CCDC7: variants seen among roughly 807,000 people sequenced by gnomAD.
CCDC7 encodes coiled-coil domain-containing protein 7.
Under a neutral mutation model 196.9 loss-of-function variants are expected in CCDC7, and 183 were observed. The observed-to-expected ratio is 0.93, with a 90% CI of 0.82 to 1.05. CCDC7 has a LOEUF of 1.05. CCDC7 is among the 50% of genes least tolerant of loss of function. The pLI is 0.00. For synonymous variants in CCDC7, 525 were observed against 484.6 expected (o/e 1.08, Z -1.10); for missense variants, 1,540 against 1,482.2 (o/e 1.04, Z -0.64).
intron 5 of CCDC7, among the ~76,000 whole-genome samples, chr10:32,469,446 A>T (rs2037493977): frequency 6.6e-6 from 1 of 152,208 alleles, no homozygotes; most frequent in Non-Finnish European, 1.5e-5. Flanking sequence ...TACATGGCAG[A>T]GAAGTCTGCT....
At chr10:32,791,262 A>T (rs1383821408) in intron 29 of CCDC7, among the ~76,000 whole-genome samples, 1 of 151,968 alleles carries the variant, frequency 6.6e-6, no homozygotes, top group Non-Finnish European at 1.5e-5. Flanking sequence ...AAAAAAAGCC[A>T]CTCTATAAGT....
chr10:32,776,188 G>T (rs1272917318), intron 28 of CCDC7, among the ~76,000 whole-genome samples: 2 of 149,334 alleles, frequency 1.3e-5, no homozygotes, highest in Non-Finnish European at 3.0e-5. Context: ...GCTAGATGAC[G>T]AGTTAGTGGG....
chr10:32,571,584 TTTTC>T (rs1370359880), intron 15 of CCDC7, among the ~76,000 whole-genome samples: 1 of 152,152 alleles, frequency 6.6e-6, no homozygotes, highest in African/African-American at 2.4e-5. Flanking sequence ...ATAAACATGC[TTTTC>T]TTTAACTCAA....
intron 20 of CCDC7, among the ~76,000 whole-genome samples, chr10:32,642,594 T>A (rs2067028985): frequency 6.6e-6 from 1 of 152,178 alleles, no homozygotes; most frequent in South Asian, 2.1e-4. Flanking sequence ...TCCCTGACCC[T>A]TTGCACTTCC....
upstream of CCDC7, among the ~76,000 whole-genome samples, chr10:32,447,342 T>C (rs1317185240): frequency 1.3e-5 from 2 of 152,208 alleles, no homozygotes; most frequent in Non-Finnish European, 2.9e-5. Flanking sequence ...TTCCTTGCTT[T>C]CTATGTATAT....
At chr10:32,752,115 AT>A (rs1306473372) in intron 28 of CCDC7, among the ~76,000 whole-genome samples, 1 of 152,104 alleles carries the variant, frequency 6.6e-6, no homozygotes, top group Non-Finnish European at 1.5e-5. Flanking sequence ...ATTATTTTTG[AT>A]AGGAAAAACC....
At chr10:32,579,237 T>G (rs990443677) in intron 16 of CCDC7, among the ~76,000 whole-genome samples, 30 of 148,816 alleles carry the variant, frequency 2.0e-4, no homozygotes, top group African/African-American at 7.2e-4. Context: ...CTAGTTTTTG[T>G]TTTTTTTTTC....
chr10:32,729,357 G>A (rs1340178325), exon 28 of CCDC7: 2 of 1,559,854 alleles, frequency 1.3e-6, no homozygotes, highest in East Asian at 2.3e-5. Context: ...TCAAAAAAAA[G>A]GATATATCAC....
At chr10:32,876,824 T>C (rs2094607937), downstream of CCDC7, 1 of 154,388 alleles carries the variant, frequency 6.5e-6, no homozygotes, top group Admixed American at 6.5e-5. Flanking sequence ...CTAATAATTT[T>C]AAAGATGTGA....
At chr10:32,718,922 C>G (rs1222365436) in intron 25 of CCDC7, among the ~76,000 whole-genome samples, 1 of 152,140 alleles carries the variant, frequency 6.6e-6, no homozygotes, top group Non-Finnish European at 1.5e-5. Flanking sequence ...TAGGAATAAT[C>G]AAGATCGTGA....
rs868259659 is a variant in CCDC7, at chr10:32,635,235, T to A, written c.2014+77T>A. On this transcript the variant is annotated intron_variant, in intron 20 of 41. Coordinates refer to ENST00000639629, the Ensembl canonical transcript of CCDC7. ...GCTTTTTTTATGGTTCATGAATATA[T>A]CTACAACTTTTTTTGTAATTATTTT... 154 of 391,994 alleles carry A rather than the reference T, an allele frequency of 3.9e-4. No homozygotes were observed. In the Middle Eastern group the frequency reaches 7.8e-3, roughly 20 times the overall value. The allele number at this position is 391,994 out of a possible 1,614,324, so 24.3% of individuals were successfully genotyped here.
chr10:32,560,144 C>G (rs1366535236), intron 13 of CCDC7, among the ~76,000 whole-genome samples: 1 of 152,170 alleles, frequency 6.6e-6, no homozygotes, highest in African/African-American at 2.4e-5. Flanking sequence ...AAGAAACGAA[C>G]AAAGCCTCCA....
rs766761350 is a variant in CCDC7, at chr10:32,729,388, G to C, written c.2836G>C (p.Glu946Gln). 61 of 1,533,594 alleles carry C rather than the reference G, an allele frequency of 4.0e-5. No homozygotes were observed. The highest frequency in any genetic ancestry group is 2.7e-4 in the South Asian group (22 of 80,594). The allele number at this position is 1,533,594 out of a possible 1,614,324, so 95.0% of individuals were successfully genotyped here. ...ATCACTTGAACATCTGTTGCCTGAG[G>C]AGAAAGTTTTATTATCAAGAAGCGA... Residue 946 changes from glutamate to glutamine, a missense_variant, in exon 28 of 42, where the codon GAG (glutamate) becomes CAG (glutamine). Physicochemically the swap from Glu to Gln is conservative, Grantham distance 29 (BLOSUM62 2). Transcript: ENST00000639629.
In CCDC7 at chr10:32,837,634, A is replaced by G. The variant is rs2092705100; in HGVS notation, c.3352+2736A>G. On this transcript the variant is annotated intron_variant, in intron 33 of 41. Coordinates refer to ENST00000639629, the Ensembl canonical transcript of CCDC7. ...TAAAGACACATGCACATGTATGTTTATTGCGGCACTATTCACAATAGCAAA... is the reference window on the plus strand; with the variant it reads ...TAAAGACACATGCACATGTATGTTTGTTGCGGCACTATTCACAATAGCAAA... Among the ~76,000 whole-genome samples, 2 of 152,106 alleles carry G rather than the reference A, an allele frequency of 1.3e-5. 1 individual carries two copies. Among genetic ancestry groups the G allele is most frequent in the South Asian group, 4.1e-4 (2 of 4,824 alleles).
At chr10:32,707,551 T>A (rs2141778839) in intron 24 of CCDC7, among the ~76,000 whole-genome samples, 1 of 152,330 alleles carries the variant, frequency 6.6e-6, no homozygotes, top group Middle Eastern at 3.4e-3. Flanking sequence ...GCAGATGACA[T>A]GATTGTATAT....
At chr10:32,500,666 A>G (rs2043849990) in intron 9 of CCDC7, among the ~76,000 whole-genome samples, 6 of 152,166 alleles carry the variant, frequency 3.9e-5, no homozygotes, top group Admixed American at 3.9e-4. Flanking sequence ...AGAGGCTGCA[A>G]TCTCGGCACT....
chr10:32,581,473 C>T (rs1324292561), intron 16 of CCDC7, among the ~76,000 whole-genome samples: 1 of 152,078 alleles, frequency 6.6e-6, no homozygotes, highest in Admixed American at 6.5e-5. Flanking sequence ...TCCTCCTCCT[C>T]CTTCACCATC....
chr10:32,847,151 C>T (rs1379425528), intron 37 of CCDC7, among the ~76,000 whole-genome samples: 1 of 152,168 alleles, frequency 6.6e-6, no homozygotes, highest in Non-Finnish European at 1.5e-5. Context: ...GCAGCAGTAG[C>T]ACTTCACACT....
chr10:32,547,533 C>G (rs576003905), intron 13 of CCDC7, among the ~76,000 whole-genome samples: 1 of 152,030 alleles, frequency 6.6e-6, no homozygotes, highest in Non-Finnish European at 1.5e-5. Context: ...ATAACATGAC[C>G]CTAAGGGTGA....
Sources: allele counts gnomAD v4.1 joint callset (sites outside exome capture counted in the v4.1 genomes callset), GRCh38; gene constraint gnomAD v4.1.1; transcripts MANE v1.5; gene names NCBI Gene and HGNC (gene_info 2026-07-23, HGNC 2026-07-21).